KCP: variants seen among roughly 807,000 people sequenced by gnomAD.
The protein encoded by KCP is kielin cysteine rich BMP regulator, also known as kielin/chordin-like protein.
Under a neutral mutation model 212.7 loss-of-function variants are expected in KCP, and 194 were observed. The observed-to-expected ratio is 0.91, with a 90% CI of 0.81 to 1.03. The LOEUF is 1.03. KCP is among the 50% of genes least tolerant of loss of function. The pLI, the probability that KCP is intolerant of heterozygous loss-of-function variation, is 0.00. For synonymous variants in KCP, 833 were observed against 865.3 expected (o/e 0.96, Z 0.65); for missense variants, 2,080 against 2,162.5 (o/e 0.96, Z 0.76).
chr7:128,904,466 C>T (rs1053739880), intron 5 of KCP: 3 of 1,019,182 alleles, frequency 2.9e-6, no homozygotes, highest in African/African-American at 1.6e-5. Flanking sequence ...TCGTCCCTTC[C>T]TGTTCCATCC....
intron 2 of KCP, 128 bp downstream of exon 2, chr7:128,908,298 G>GAAAGAAAGAAAA (rs1795259751): frequency 1.5e-6 from 1 of 685,268 alleles, no homozygotes; most frequent in African/African-American, 1.9e-5. Context: ...AAGAAAGAAA[G>GAAAGAAAGAAAA]AAAGAAAGGG....
chr7:128,899,132 T>C (rs965803702), intron 8 of KCP, among the ~76,000 whole-genome samples: 3 of 152,222 alleles, frequency 2.0e-5, no homozygotes, highest in African/African-American at 7.2e-5. Flanking sequence ...TGGGCTGTAT[T>C]TGTATAAATG....
Position 128,904,127 on chromosome 7 carries a change from C to G in KCP, c.583G>C (p.Glu195Gln). 6.4e-7 allele frequency: 1 copy of G among 1,551,710 alleles called. No homozygotes were observed. The highest frequency in any genetic ancestry group is 8.7e-7 in the Non-Finnish European group (1 of 1,146,940). ...CPHCKPGCDY[E>Q]GQLYEEGVTF... is the part of the protein sequence containing the mutation. Reference sequence around the variant, plus strand: ...ACCCCCTCCTCATAAAGCTGCCCCTCATAATCACAGCCTGGGAAGGTTGGC... The same window carrying G: ...ACCCCCTCCTCATAAAGCTGCCCCTGATAATCACAGCCTGGGAAGGTTGGC... Residue 195 changes from glutamate to glutamine, a missense_variant, in exon 6 of 40, where the codon GAG (glutamate) becomes CAG (glutamine). Physicochemically the swap from Glu to Gln is conservative, Grantham distance 29 (BLOSUM62 2). Coordinates refer to ENST00000610776, the MANE Select transcript of KCP (RefSeq NM_001366122.1).
At chr7:128,888,820 G>A (rs1033442393) in intron 22 of KCP, 43 bp downstream of exon 22, 22 of 1,527,412 alleles carry the variant, frequency 1.4e-5, no homozygotes, top group East Asian at 4.9e-5. Context: ...AAGGCACCCC[G>A]GGAGCCCCAG....
At chr7:128,905,886 C>G (rs1795097849) in intron 5 of KCP, among the ~76,000 whole-genome samples, 2 of 152,060 alleles carry the variant, frequency 1.3e-5, no homozygotes, top group African/African-American at 4.8e-5. Flanking sequence ...GTAAAGGCCC[C>G]CTGACTGCCC....
At chr7:128,898,104 G>T (rs1794635418) in intron 8 of KCP, among the ~76,000 whole-genome samples, 1 of 151,702 alleles carries the variant, frequency 6.6e-6, no homozygotes, top group Admixed American at 6.6e-5. Flanking sequence ...CACCCAGGCT[G>T]GAGTGCAATG....
chr7:128,903,720 C>A lies in KCP; in HGVS notation c.748+7G>T. 2 of 1,544,584 alleles carry A rather than the reference C, an allele frequency of 1.3e-6. No individual in the cohort carries two copies. On this transcript the variant is annotated splice_region_variant and intron_variant, in intron 7 of 39. Coordinates refer to ENST00000610776, the MANE Select transcript of KCP (RefSeq NM_001366122.1). ...GGCTCTACCAGGGAGGGGCCAGGGG[C>A]TCTCACCTTGGCAGGTTGGGCAGCA...
chr7:128,889,607 T>C (rs1480001844), intron 21 of KCP, among the ~76,000 whole-genome samples: 1 of 152,264 alleles, frequency 6.6e-6, no homozygotes, highest in African/African-American at 2.4e-5. Flanking sequence ...ATTTTAATTA[T>C]ATTCATTTTT....
At chr7:128,901,487 G>T (rs1026255409) in intron 8 of KCP, among the ~76,000 whole-genome samples, 1 of 152,222 alleles carries the variant, frequency 6.6e-6, no homozygotes, top group East Asian at 1.9e-4. Flanking sequence ...TTAGCCAGGC[G>T]TGTTGGCGGG....
rs370843145 is a variant in KCP at position 128,879,935 on chromosome 7, C to T, written c.3910G>A (p.Asp1304Asn). 4.5e-6 allele frequency: 7 copies of T among 1,551,060 alleles called. No homozygotes were observed. In the South Asian group the frequency reaches 8.3e-5, roughly 18 times the overall value. ...CACCTGAAGTCCCCGCTGTGGCAGT[C>T]CTTGGCCAGCACATAGCTGCAACTG... ...QGSCSYVLAK[D>N]CHSGDFSVHV... Residue 1304 changes from aspartate to asparagine, a missense_variant, in exon 35 of 40, where the codon GAC becomes AAC. Asp to Asn is a conservative substitution (Grantham distance 23). Transcript: ENST00000610776.
chr7:128,890,192 T>C, intron 21 of KCP, 151 bp downstream of exon 21: 1 of 1,448,920 alleles, frequency 6.9e-7, no homozygotes, highest in Non-Finnish European at 9.4e-7. Flanking sequence ...ATTGTCGGGG[T>C]CACAGGCTTC....
chr7:128,902,503 C>T (rs550475812), intron 8 of KCP, among the ~76,000 whole-genome samples: 14 of 152,256 alleles, frequency 9.2e-5, no homozygotes, highest in Middle Eastern at 3.4e-3. Flanking sequence ...GAGCTTTTGC[C>T]GCTCGCCATA....
chr7:128,891,871 C>T (rs182730926), intron 16 of KCP, 52 bp from the exon 17 acceptor site: 208 of 1,347,782 alleles, frequency 1.5e-4, no homozygotes, highest in Non-Finnish European at 1.9e-4. Flanking sequence ...GACAGTCCCT[C>T]CAGCCCTGGA....
In KCP at chr7:128,907,265, CCTGCAA is replaced by C; in HGVS notation, c.402_407del (p.His134_Arg136delinsGln). The C allele has an allele frequency of 1.3e-6, 2 of 1,533,382 alleles. No homozygotes were observed. The highest frequency in any genetic ancestry group is 1.8e-6 in the Non-Finnish European group (2 of 1,132,646). 95.0% of individuals were successfully genotyped at this position (1,533,382 alleles called of 1,614,324 possible). ...GTGGGCGGATAGGGTGGCACTTACC[CCTGCAA>C]TGGGGCAGGTGTGCTTGGGGGCCAC... On this transcript the variant is annotated inframe_deletion and splice_region_variant, in exon 3 of 40. Transcript: ENST00000610776.
Position 128,891,782 on chromosome 7 carries a change from C to T in KCP, c.1659G>A (p.Glu553=), listed in dbSNP as rs1794162554. Residue 553 remains glutamate, a synonymous_variant, in exon 17 of 40, where the codon GAG becomes GAA. Transcript: ENST00000610776. ...AGGGGTCTCGGGGGTGGGAGAAGCT[C>T]TCGCCGTCCACAAACACCTCTTCCT... ...ILEEEVFVDG[E]SFSHPRDPCQ... 1 of 1,450,312 alleles carries T rather than the reference C, an allele frequency of 6.9e-7. No homozygotes were observed. Among genetic ancestry groups the T allele is most frequent in the Non-Finnish European group, 9.1e-7 (1 of 1,099,410 alleles). 89.8% of individuals were successfully genotyped at this position (1,450,312 alleles called of 1,614,324 possible).
Position 128,890,396 on chromosome 7 carries a change from G to C in KCP, c.2282C>G (p.Ala761Gly). The C allele has an allele frequency of 1.3e-6, 2 of 1,551,326 alleles. No individual in the cohort carries two copies. Among genetic ancestry groups the C allele is most frequent in the Non-Finnish European group, 1.7e-6 (2 of 1,146,994 alleles). Residue 761 changes from alanine to glycine, a missense_variant, in exon 21 of 40, where the codon GCC (alanine) becomes GGC (glycine). Physicochemically the swap from Ala to Gly is moderately conservative, Grantham distance 60. Coordinates refer to ENST00000610776, the MANE Select transcript of KCP (RefSeq NM_001366122.1). ...GSVSCEPKAC[A>G]PALCPFPARG... ...GGCAGGGAAGGGGCACAGTGCAGGG[G>C]CACATGCCTTGGGCTCGCAGCTCAC...
chr7:128,879,885 G>T (rs1793214534), intron 35 of KCP, 28 bp downstream of exon 35: 1 of 1,551,118 alleles, frequency 6.4e-7, no homozygotes. Flanking sequence ...TGTAGGGGTT[G>T]GGGAGAAGAG....
At position 128,891,680 on chromosome 7, in the gene KCP, C is replaced by T. The variant is rs1794151835; in HGVS notation, c.1761G>A (p.Pro587=). Residue 587 remains proline (P), a synonymous_variant, in exon 17 of 40, where the codon CCG becomes CCA. Coordinates refer to ENST00000610776, the MANE Select transcript of KCP (RefSeq NM_001366122.1). ...RPCPRAPCAH[P]LPGTCCPNDC... The stretch of plus-strand genomic sequence containing the variant: ...CGTTCGGGCAGCAGGTCCCAGGCAG[C>T]GGGTGGGCACAGGGGGCCCTGGGGC... 2 of 1,454,590 alleles carry T rather than the reference C, an allele frequency of 1.4e-6. No homozygotes were observed. The highest frequency in any genetic ancestry group is 1.4e-5 in the African/African-American group (1 of 69,900). 90.1% of individuals were successfully genotyped at this position (1,454,590 alleles called of 1,614,324 possible).
chr7:128,896,258 A>G (rs559284317), intron 8 of KCP, among the ~76,000 whole-genome samples: 61 of 152,194 alleles, frequency 4.0e-4, no homozygotes, highest in African/African-American at 1.3e-3. Context: ...CGGGTAAATA[A>G]TGGGATTGGG....
Sources: gnomAD v4.1 joint callset for allele counts (sites outside exome capture counted in the v4.1 genomes callset) on GRCh38, gnomAD v4.1.1 for gene constraint, MANE v1.5 for transcripts, NCBI Gene and HGNC (gene_info 2026-07-23, HGNC 2026-07-21) for gene names.